MCPH1: variants seen among roughly 807,000 people sequenced by gnomAD.
The protein encoded by MCPH1 is microcephalin.
Under a neutral mutation model 84.5 loss-of-function variants are expected in MCPH1, and 104 were observed. That is an observed-to-expected ratio of 1.23 (90% confidence interval 1.05 to 1.45). The LOEUF (loss-of-function observed/expected upper bound fraction) is 1.45. Ranked by LOEUF, MCPH1 falls within the 40% of genes most tolerant of loss-of-function variation. The pLI is 0.00. For synonymous variants in MCPH1, 514 were observed against 366.8 expected (o/e 1.40, Z -4.58); for missense variants, 1,498 against 1,005.7 (o/e 1.49, Z -6.62).
At chr8:6,442,347 A>T (rs549323413) in intron 7 of MCPH1, among the ~76,000 whole-genome samples, 191 bp downstream of exon 7, 2 of 73,860 alleles carry the variant, frequency 2.7e-5, no homozygotes, top group East Asian at 1.1e-3. Context: ...TTTGGTTCCT[A>T]TAGGTTTTTT....
At chr8:6,550,668 T>C (rs1207029989) in intron 12 of MCPH1, among the ~76,000 whole-genome samples, 1 of 152,200 alleles carries the variant, frequency 6.6e-6, no homozygotes, top group Non-Finnish European at 1.5e-5. Context: ...GTGGATTTTA[T>C]ATTGAAATCT....
intron 4 of MCPH1, among the ~76,000 whole-genome samples, chr8:6,432,896 T>C (rs1355217084): frequency 1.3e-5 from 2 of 152,230 alleles, no homozygotes; most frequent in Non-Finnish European, 2.9e-5. Flanking sequence ...ATTTTCTTTG[T>C]AAAACATTTA....
At chr8:6,592,623 G>GTTT (rs573651366) in intron 12 of MCPH1, among the ~76,000 whole-genome samples, 102 of 77,562 alleles carry the variant, frequency 1.3e-3, no homozygotes, top group African/African-American at 4.8e-3. Context: ...TCTTTTTTTT[G>GTTT]TTTTTTTTTT....
At chr8:6,505,350 T>A (rs1563306378) in intron 12 of MCPH1, among the ~76,000 whole-genome samples, 39 of 53,934 alleles carry the variant, frequency 7.2e-4, no homozygotes, top group Non-Finnish European at 1.1e-3. Context: ...ATATATATAT[T>A]CTTTCTATAT....
At chr8:6,476,878 C>A (rs986174398) in intron 9 of MCPH1, among the ~76,000 whole-genome samples, 1 of 152,192 alleles carries the variant, frequency 6.6e-6, no homozygotes, top group Non-Finnish European at 1.5e-5. Context: ...CACATACACA[C>A]ACACTCCTAT....
At chr8:6,626,182 C>A in intron 13 of MCPH1, 1 of 985,332 alleles carries the variant, frequency 1.0e-6, no homozygotes, top group Non-Finnish European at 1.2e-6. Context: ...TCAGCTCGCC[C>A]GCCACCCCAG....
chr8:6,428,998 T>C (rs1443617732), intron 3 of MCPH1, among the ~76,000 whole-genome samples: 2 of 152,216 alleles, frequency 1.3e-5, no homozygotes, highest in Admixed American at 6.5e-5. Flanking sequence ...AGTGAGAATT[T>C]CGTTTTTAAT....
At chr8:6,526,892 A>T (rs763308319) in intron 12 of MCPH1, among the ~76,000 whole-genome samples, 1 of 152,108 alleles carries the variant, frequency 6.6e-6, no homozygotes, top group Admixed American at 6.5e-5. Context: ...TTTTTTTTCT[A>T]TTGTTGATCT....
intron 12 of MCPH1, among the ~76,000 whole-genome samples, chr8:6,580,254 G>A (rs561744616): frequency 3.7e-4 from 57 of 152,302 alleles, no homozygotes; most frequent in Non-Finnish European, 7.1e-4. Context: ...AAGCCTCCAC[G>A]ATGTCCATCA....
chr8:6,562,743 A>AGTG, intron 12 of MCPH1: 2 of 1,613,794 alleles, frequency 1.2e-6, no homozygotes, highest in Non-Finnish European at 1.7e-6. Context: ...CCCTCTGCAC[A>AGTG]GCATTGGACA....
intron 12 of MCPH1, among the ~76,000 whole-genome samples, chr8:6,602,906 A>AAT (rs745423523): frequency 1.6e-4 from 25 of 151,930 alleles, no homozygotes; most frequent in Admixed American, 3.3e-4. Flanking sequence ...TAAAATAGAA[A>AAT]ATATATATAT....
chr8:6,610,350 C>A (rs1450166903), intron 12 of MCPH1, among the ~76,000 whole-genome samples: 1 of 152,232 alleles, frequency 6.6e-6, no homozygotes. Flanking sequence ...TTAACTTTTA[C>A]TTAACCTAAT....
chr8:6,490,152 G>T (rs1397941781), intron 11 of MCPH1, among the ~76,000 whole-genome samples: 1 of 152,082 alleles, frequency 6.6e-6, no homozygotes, highest in Non-Finnish European at 1.5e-5. Context: ...TCCAAGCTTT[G>T]ACCATACCTC....
At chr8:6,439,379 A>AAAAT (rs1373289914) in intron 6 of MCPH1, among the ~76,000 whole-genome samples, 1 of 151,086 alleles carries the variant, frequency 6.6e-6, no homozygotes, top group Non-Finnish European at 1.5e-5. Context: ...TTTTAAAAAA[A>AAAAT]AATGAATCAT....
intron 12 of MCPH1, among the ~76,000 whole-genome samples, chr8:6,574,221 G>A (rs1299496281): frequency 6.6e-6 from 1 of 152,186 alleles, no homozygotes; most frequent in African/African-American, 2.4e-5. Flanking sequence ...CACAGCTCTG[G>A]AGGCTAGAAG....
At position 6,644,557 on chromosome 8, in the gene MCPH1, G is replaced by C. The variant is rs1001379891; in HGVS notation, c.*1508G>C. On this transcript the variant is annotated 3_prime_UTR_variant, in exon 14 of 14. Coordinates refer to ENST00000344683, the MANE Select transcript of MCPH1 (RefSeq NM_024596.5). ...TTCCAAACACAGTAACATTCAAGCTGAGCACCAAATCAAGAACGCAATCCC... is the reference window on the plus strand; with the variant it reads ...TTCCAAACACAGTAACATTCAAGCTCAGCACCAAATCAAGAACGCAATCCC... 2 of 152,166 alleles carry C rather than the reference G, an allele frequency of 1.3e-5. No homozygotes were observed. The highest frequency in any genetic ancestry group is 6.5e-5 in the Admixed American group (1 of 15,268). 9.4% of individuals were successfully genotyped at this position (152,166 alleles called of 1,614,324 possible). A position where few individuals can be genotyped will look rare whatever the true frequency, so the allele number is the denominator to read the frequency against.
At chr8:6,562,548 CCTT>C in intron 12 of MCPH1, 1 of 102,690 alleles carries the variant, frequency 9.7e-6, no homozygotes, top group Non-Finnish European at 1.8e-5. Flanking sequence ...TCTTCATCCT[CCTT>C]CTTTTTTTTT....
rs539026589 is a variant in MCPH1 at position 6,422,789 on chromosome 8, T to C, written c.233+7906T>C. 2.6e-3 allele frequency among the ~76,000 whole-genome samples: 395 copies of C among 152,142 alleles called. 3 individuals carry two copies. Among genetic ancestry groups the C allele is most frequent in the African/African-American group, 8.9e-3 (369 of 41,514 alleles). Reference sequence around the variant, plus strand: ...CTGCAACCTCCGCCTCCTGGGTTCATGCCATTCTCCTGCCTCAGCCTCCCG... The same window carrying C: ...CTGCAACCTCCGCCTCCTGGGTTCACGCCATTCTCCTGCCTCAGCCTCCCG... On this transcript the variant is annotated intron_variant, in intron 3 of 13. Coordinates refer to ENST00000344683, the MANE Select transcript of MCPH1 (RefSeq NM_024596.5).
At chr8:6,588,775 C>T (rs571493852) in intron 12 of MCPH1, among the ~76,000 whole-genome samples, 1 of 152,362 alleles carries the variant, frequency 6.6e-6, no homozygotes, top group African/African-American at 2.4e-5. Flanking sequence ...CCTTCTGCTC[C>T]TCTCTCCTCT....
Sources: allele counts gnomAD v4.1 joint callset (sites outside exome capture counted in the v4.1 genomes callset), GRCh38; gene constraint gnomAD v4.1.1; transcripts MANE v1.5; gene names NCBI Gene and HGNC (gene_info 2026-07-23, HGNC 2026-07-21).